Variants in BTBD10 observed in about 807,000 individuals in gnomAD.
BTBD10 encodes the protein BTB/POZ domain-containing protein 10.
BTBD10 carries 21 observed loss-of-function variants against 53.2 expected under a neutral mutation model. The ratio of observed to expected loss-of-function variants is 0.39; its 90% CI spans 0.28 to 0.57. The LOEUF (loss-of-function observed/expected upper bound fraction) is 0.57, where lower values mean the gene tolerates loss of function less well. BTBD10 is among the 20% of genes least tolerant of loss of function. The probability of loss-of-function intolerance (pLI) is 0.53; values close to 1 mark genes in which losing one functional copy is unlikely to be tolerated. For synonymous variants in BTBD10, 149 were observed against 192.7 expected (o/e 0.77, Z 1.88); for missense variants, 360 against 594.7 (o/e 0.61, Z 4.10).
chr11:13,449,445 A>G lies in BTBD10; in HGVS notation c.-57-4264T>C, dbSNP rs536362706. 1.7e-3 allele frequency among the ~76,000 whole-genome samples: 258 copies of G among 152,300 alleles called. 1 individual carries two copies. The highest frequency in any genetic ancestry group is 2.0e-3 in the Admixed American group (30 of 15,290). On this transcript the variant is annotated intron_variant, in intron 1 of 8. Transcript: ENST00000278174. ...CCATGTTATTTCCAATGCACCAAGCAAGGTATATAAAAATTGGTACTTTTT... is the reference window on the plus strand; with the variant it reads ...CCATGTTATTTCCAATGCACCAAGCGAGGTATATAAAAATTGGTACTTTTT...
At chr11:13,416,053 T>C (rs1950101214) in intron 5 of BTBD10, among the ~76,000 whole-genome samples, 1 of 151,558 alleles carries the variant, frequency 6.6e-6, no homozygotes, top group Non-Finnish European at 1.5e-5. Flanking sequence ...AAAAAAAAGT[T>C]TTAAAACAAA....
chr11:13,395,098 G>T (rs1312398989), intron 8 of BTBD10, among the ~76,000 whole-genome samples: 1 of 146,918 alleles, frequency 6.8e-6, no homozygotes, highest in Non-Finnish European at 1.5e-5. Flanking sequence ...TCTAGTTCTA[G>T]ATCCATGAGG....
chr11:13,454,767 C>T (rs930298390), intron 1 of BTBD10, among the ~76,000 whole-genome samples: 2 of 151,800 alleles, frequency 1.3e-5, no homozygotes, highest in African/African-American at 4.8e-5. Flanking sequence ...TTTATTCTTT[C>T]ATTCAAAATT....
At chr11:13,399,934 G>A (rs1020005360) in intron 8 of BTBD10, among the ~76,000 whole-genome samples, 3 of 152,158 alleles carry the variant, frequency 2.0e-5, no homozygotes, top group Non-Finnish European at 2.9e-5. Context: ...GTACCCGGCC[G>A]TGTGAGGTGT....
intron 8 of BTBD10, among the ~76,000 whole-genome samples, chr11:13,395,190 C>A (rs1949510649): frequency 6.6e-6 from 1 of 150,778 alleles, no homozygotes; most frequent in African/African-American, 2.4e-5. Context: ...TTCTCCACAT[C>A]CTCTCCAGCA....
At chr11:13,436,790 GT>G (rs11354653) in intron 2 of BTBD10, among the ~76,000 whole-genome samples, 47,031 of 151,232 alleles carry the variant, frequency 0.31, 7,389 homozygotes, top group Admixed American at 0.36. Context: ...AGATTTCTCT[GT>G]TTTTTTTTGA....
chr11:13,402,133 G>A (rs1324862730), intron 8 of BTBD10, among the ~76,000 whole-genome samples: 1 of 152,114 alleles, frequency 6.6e-6, no homozygotes. Flanking sequence ...CTAGACCAAT[G>A]CTTCATATAT....
At chr11:13,398,703 G>C (rs888295485) in intron 8 of BTBD10, among the ~76,000 whole-genome samples, 1 of 152,142 alleles carries the variant, frequency 6.6e-6, no homozygotes, top group South Asian at 2.1e-4. Flanking sequence ...CCCATATTTA[G>C]TGCTTCCTTC....
chr11:13,445,337 A>T (rs1950732943), intron 1 of BTBD10, among the ~76,000 whole-genome samples, 156 bp from the exon 2 acceptor site: 1 of 152,206 alleles, frequency 6.6e-6, no homozygotes, highest in Non-Finnish European at 1.5e-5. Flanking sequence ...AAATTAAAAT[A>T]AACACCAGGG....
At chr11:13,405,629 A>G in intron 7 of BTBD10, 30 bp downstream of exon 7, 1 of 1,609,010 alleles carries the variant, frequency 6.2e-7, no homozygotes, top group Non-Finnish European at 8.5e-7. Flanking sequence ...GTGATGATTC[A>G]GGGGAGAGAA....
chr11:13,420,620 T>A (rs546975869), intron 3 of BTBD10, among the ~76,000 whole-genome samples: 1 of 152,134 alleles, frequency 6.6e-6, no homozygotes, highest in Non-Finnish European at 1.5e-5. Context: ...TTTCATCAGC[T>A]TTTGCCAAAT....
At chr11:13,447,586 T>C (rs989268538) in intron 1 of BTBD10, among the ~76,000 whole-genome samples, 2 of 152,200 alleles carry the variant, frequency 1.3e-5, no homozygotes, top group Non-Finnish European at 2.9e-5. Context: ...TTTCTACCAC[T>C]ATTACACTGG....
chr11:13,392,559 A>G (rs1039732308), intron 8 of BTBD10, among the ~76,000 whole-genome samples: 1 of 152,112 alleles, frequency 6.6e-6, no homozygotes, highest in African/African-American at 2.4e-5. Flanking sequence ...AGAGAAGCTC[A>G]GATTTTTTTT....
At chr11:13,414,210 TATTA>T (rs1244160878) in intron 5 of BTBD10, among the ~76,000 whole-genome samples, 4 of 152,190 alleles carry the variant, frequency 2.6e-5, no homozygotes, top group Non-Finnish European at 4.4e-5. Context: ...TGACAAGCAA[TATTA>T]ATTATTTCCA....
Position 13,389,161 on chromosome 11 carries a change from TA to T in BTBD10, c.1118-21del, listed in dbSNP as rs765763753. 3 of 1,587,708 alleles carry T rather than the reference TA, an allele frequency of 1.9e-6. No individual in the cohort carries two copies. The African/African-American group carries it at 4.1e-5, about 22-fold the overall frequency. ...GATAACCTGAAAGAAAGAAAGATTT[TA>T]AAAACTGAGGAGACACACACAGACC... On this transcript the variant is annotated intron_variant, in intron 8 of 8. Transcript: ENST00000278174.
intron 1 of BTBD10, among the ~76,000 whole-genome samples, chr11:13,450,768 T>C (rs1189405267): frequency 2.0e-5 from 3 of 152,144 alleles, no homozygotes; most frequent in African/African-American, 7.2e-5. Flanking sequence ...GGAAAGAAAC[T>C]TCTCGCAAAC....
intron 2 of BTBD10, chr11:13,440,302 C>G: frequency 8.7e-7 from 1 of 1,156,016 alleles, no homozygotes; most frequent in South Asian, 2.0e-5. Flanking sequence ...TCCCATTTCT[C>G]CATCTCTGAG....
In BTBD10 at chr11:13,439,904, G is replaced by A. The variant is rs530636568; in HGVS notation, c.101+5120C>T. ...CACACCTTCCTTTAGTATATGCCAA[G>A]GTAGACACACAAAAACAAGAAAAAA... On this transcript the variant is annotated intron_variant, in intron 2 of 8. Transcript: ENST00000278174. The A allele has an allele frequency of 6.1e-5, 94 of 1,532,260 alleles. No homozygotes were observed. In the African/African-American group the frequency reaches 1.1e-3, roughly 18 times the overall value. 94.9% of individuals were successfully genotyped at this position (1,532,260 alleles called of 1,614,324 possible).
intron 1 of BTBD10, among the ~76,000 whole-genome samples, chr11:13,452,316 T>C (rs1171924011): frequency 6.6e-6 from 1 of 152,188 alleles, no homozygotes; most frequent in Non-Finnish European, 1.5e-5. Flanking sequence ...CTGAAGTGAT[T>C]ACACAGGGAC....
Sources: allele counts gnomAD v4.1 joint callset (sites outside exome capture counted in the v4.1 genomes callset), GRCh38; gene constraint gnomAD v4.1.1; transcripts MANE v1.5; gene names NCBI Gene and HGNC (gene_info 2026-07-23, HGNC 2026-07-21).